The following RRP7A variants were observed in gnomAD, a reference collection of about 807,000 sequenced individuals.
The protein encoded by RRP7A is ribosomal RNA processing 7 homolog A.
A neutral mutation model predicts 38.4 loss-of-function variants in RRP7A; 27 were observed. The observed-to-expected ratio is 0.70, with a 90% CI of 0.52 to 0.97. RRP7A has a LOEUF of 0.97. Among genes scored for constraint, RRP7A ranks in the 50% least tolerant of loss-of-function variants. The pLI is 0.00. For missense variants in RRP7A, 327 were observed against 375.4 expected, an observed-to-expected ratio of 0.87 and a Z score of 1.07; for synonymous variants, 124 against 150.3, an observed-to-expected ratio of 0.83 and a Z score of 1.28.
intron 3 of RRP7A, among the ~76,000 whole-genome samples, chr22:42,515,561 C>T (rs1417603324): frequency 6.6e-6 from 1 of 152,198 alleles, no homozygotes; most frequent in African/African-American, 2.4e-5. Flanking sequence ...ACACAGGGGT[C>T]GCCCTGGGCC....
In RRP7A at chr22:42,509,742, C is replaced by T. The variant is rs1601802142; in HGVS notation, c.*3168G>A. ...GGATGAAGTCAGACACAACCGTCTA[C>T]GTGTTGTATGGCTGCATTCACGTTC... On this transcript the variant is annotated 3_prime_UTR_variant, in exon 7 of 7. Transcript: ENST00000323013. 6.7e-6 allele frequency among the ~76,000 whole-genome samples: 1 copy of T among 148,644 alleles called. No homozygotes were observed. The highest frequency in any genetic ancestry group is 2.5e-5 in the African/African-American group (1 of 40,674).
In RRP7A at chr22:42,518,140, T is replaced by A; in HGVS notation, c.81A>T (p.Pro27=). ...IPSPLGYAAI[P]IKFSEKQQAS... Reference sequence around the variant, plus strand: ...CCTGTTGCTTTTCAGAGAACTTGATTGGAATAGCTGGAAAGGAAATGGGAG... The same window carrying A: ...CCTGTTGCTTTTCAGAGAACTTGATAGGAATAGCTGGAAAGGAAATGGGAG... The change falls in exon 2 of 7, where the codon CCA becomes CCT. Residue 27 remains proline, a synonymous_variant. Transcript: ENST00000323013. The A allele has an allele frequency of 1.9e-6, 3 of 1,611,880 alleles. 1 individual carries two copies. The Middle Eastern group carries it at 5.6e-4, about 303-fold the overall frequency.
chr22:42,517,342 TAAAA>T (rs71184902), intron 2 of RRP7A, among the ~76,000 whole-genome samples: 43 of 117,502 alleles, frequency 3.7e-4, no homozygotes, highest in African/African-American at 9.4e-4. Context: ...TTAGTTTTTG[TAAAA>T]AAAAAAAAAA....
At position 42,508,984 on chromosome 22, in the gene RRP7A, C is replaced by G; in HGVS notation, c.*3926G>C. On this transcript the variant is annotated 3_prime_UTR_variant, in exon 7 of 7. Transcript: ENST00000323013. Reference sequence around the variant, plus strand: ...GATGGGTTTCGTGCCCACGAGAGTGCCTGTGCCTTGTGACGAGAATTCACC... The same window carrying G: ...GATGGGTTTCGTGCCCACGAGAGTGGCTGTGCCTTGTGACGAGAATTCACC... 1.9e-6 allele frequency: 3 copies of G among 1,612,346 alleles called. No homozygotes were observed. Among genetic ancestry groups the G allele is most frequent in the Non-Finnish European group, 2.5e-6 (3 of 1,178,808 alleles).
In RRP7A at chr22:42,513,003, T is replaced by C; in HGVS notation, c.758-8A>G. The C allele has an allele frequency of 1.9e-6, 3 of 1,610,486 alleles. No homozygotes were observed. Among genetic ancestry groups the C allele is most frequent in the Non-Finnish European group, 2.5e-6 (3 of 1,178,176 alleles). On this transcript the variant is annotated splice_polypyrimidine_tract_variant and splice_region_variant and intron_variant, in intron 6 of 6. Transcript: ENST00000323013. ...TGCGCAGCTGCGCTAGATCTGGGGG[T>C]GAGAGGAGGCGCGGGGCAGGGTCAG...
intron 1 of RRP7A, chr22:42,518,785 T>A (rs1920938498): frequency 2.1e-6 from 1 of 469,872 alleles, no homozygotes; most frequent in African/African-American, 2.0e-5. Context: ...GTAATCCTCA[T>A]AAAGCTAGGA....
At chr22:42,517,979 C>T in intron 2 of RRP7A, 26 bp downstream of exon 2, 3 of 1,607,796 alleles carry the variant, frequency 1.9e-6, no homozygotes, top group Non-Finnish European at 2.5e-6. Flanking sequence ...GCCCACAGGT[C>T]TCCTCCCAGA....
intron 1 of RRP7A, among the ~76,000 whole-genome samples, chr22:42,519,285 G>C (rs1920940445): frequency 6.6e-6 from 1 of 151,018 alleles, no homozygotes; most frequent in African/African-American, 2.4e-5. Context: ...CTGGCACGTG[G>C]GTGGAGAACA....
chr22:42,514,747 C>T lies in RRP7A; in HGVS notation c.493G>A (p.Asp165Asn), dbSNP rs773855837. The T allele has an allele frequency of 1.3e-5, 21 of 1,611,458 alleles. No homozygotes were observed. The highest frequency in any genetic ancestry group is 1.5e-5 in the Non-Finnish European group (18 of 1,178,680). Reference protein sequence around the residue: ...WISDYADSVPDPEALRVEVDT... With the variant: ...WISDYADSVPNPEALRVEVDT... ...ACTTCCACCCTCAGGGCCTCAGGGTCGGGCACAGAGTCTGCGTAGTCACTG... is the reference window on the plus strand; with the variant it reads ...ACTTCCACCCTCAGGGCCTCAGGGTTGGGCACAGAGTCTGCGTAGTCACTG... Residue 165 changes from aspartate to asparagine, a missense_variant, in exon 5 of 7, where the codon GAC becomes AAC. Physicochemically the swap from Asp to Asn is conservative, Grantham distance 23. Transcript: ENST00000323013.
chr22:42,518,917 G>C lies in RRP7A; in HGVS notation c.74-770C>G, dbSNP rs540020442. 4.4e-4 allele frequency among the ~76,000 whole-genome samples: 67 copies of C among 151,360 alleles called. 1 individual carries two copies. Among genetic ancestry groups the C allele is most frequent in the African/African-American group, 1.6e-3 (65 of 41,130 alleles). On this transcript the variant is annotated intron_variant, in intron 1 of 6. Coordinates refer to ENST00000323013, the MANE Select transcript of RRP7A (RefSeq NM_015703.5). The stretch of plus-strand genomic sequence containing the variant: ...CAATTAACAAGCATACAGCAAACTT[G>C]TATCAATTGTGAAAGAAACATTACA...
At chr22:42,515,502 G>C (rs575433329) in intron 3 of RRP7A, among the ~76,000 whole-genome samples, 38 of 152,370 alleles carry the variant, frequency 2.5e-4, no homozygotes, top group Non-Finnish European at 4.9e-4. Flanking sequence ...CCCAGGAAGA[G>C]GGGATACAGA....
chr22:42,518,234 C>T, intron 1 of RRP7A, 87 bp from the exon 2 acceptor site: 3 of 1,100,360 alleles, frequency 2.7e-6, no homozygotes, highest in South Asian at 2.6e-5. Flanking sequence ...TTCTCCACAT[C>T]CCTGTCTAGT....
Position 42,514,712 on chromosome 22 carries a change from G to A in RRP7A, c.528C>T (p.Phe176=), listed in dbSNP as rs1179909545. Residue 176 remains phenylalanine (F), a synonymous_variant, in exon 5 of 7, where the codon TTC becomes TTT. Coordinates refer to ENST00000323013, the MANE Select transcript of RRP7A (RefSeq NM_015703.5). ...CGATCTTCTGGTCATATGCCTCCAT[G>A]AACGTGTCCACTTCCACCCTCAGGG... ...PEALRVEVDT[F]MEAYDQKIAE... The A allele has an allele frequency of 5.6e-6, 9 of 1,610,592 alleles. No individual in the cohort carries two copies. Among genetic ancestry groups the A allele is most frequent in the African/African-American group, 1.3e-5 (1 of 74,670 alleles).
chr22:42,509,051 C>T lies in RRP7A; in HGVS notation c.*3859G>A, dbSNP rs1322888948. The T allele has an allele frequency of 6.2e-7, 1 of 1,609,286 alleles. No homozygotes were observed. The highest frequency in any genetic ancestry group is 1.7e-5 in the Admixed American group (1 of 59,992). ...AGGCAGAGAACAGCATTGACTTCGTCAGCAGGGAGCTGTGTGCGCATTCCA... is the reference window on the plus strand; with the variant it reads ...AGGCAGAGAACAGCATTGACTTCGTTAGCAGGGAGCTGTGTGCGCATTCCA... On this transcript the variant is annotated 3_prime_UTR_variant, in exon 7 of 7. Coordinates refer to ENST00000323013, the MANE Select transcript of RRP7A (RefSeq NM_015703.5).
rs189542181 is a variant in RRP7A at position 42,516,035 on chromosome 22, C to G, written c.318G>C (p.Lys106Asn). ...LAESPKESRSKFFHPKPVPGF... is the reference protein window; with the variant it reads ...LAESPKESRSNFFHPKPVPGF... ...CCGGAACTGGCTTGGGATGAAAAAACTTCGACCTTGACTCCTTTGGGCTCT... is the reference window on the plus strand; with the variant it reads ...CCGGAACTGGCTTGGGATGAAAAAAGTTCGACCTTGACTCCTTTGGGCTCT... The change falls in exon 3 of 7, where the codon AAG becomes AAC. Residue 106 changes from lysine to asparagine, a missense_variant. Lys to Asn is a moderately conservative substitution (Grantham distance 94, BLOSUM62 0). Around this residue, in one of 5 missense-constraint regions of RRP7A, gnomAD observed 183 missense variants for 141.8 expected, o/e 1.29. Transcript: ENST00000323013. 10 of 1,605,582 alleles carry G rather than the reference C, an allele frequency of 6.2e-6. No individual in the cohort carries two copies. Among genetic ancestry groups the G allele is most frequent in the Non-Finnish European group, 8.5e-6 (10 of 1,174,828 alleles).
At chr22:42,518,524 C>T (rs1920937548) in intron 1 of RRP7A, 1 of 437,234 alleles carries the variant, frequency 2.3e-6, no homozygotes, top group Non-Finnish European at 4.8e-6. Context: ...TCCCCCAGCA[C>T]CTTGGATTCT....
At position 42,510,930 on chromosome 22, in the gene RRP7A, C is replaced by A. The variant is rs1185802210; in HGVS notation, c.*1980G>T. On this transcript the variant is annotated 3_prime_UTR_variant, in exon 7 of 7. Transcript: ENST00000323013. Reference sequence around the variant, plus strand: ...GTAATCAGAATTTAAGAAACAGAGACCTTTGGTGGGGAGGTTCTTTACCAT... The same window carrying A: ...GTAATCAGAATTTAAGAAACAGAGAACTTTGGTGGGGAGGTTCTTTACCAT... 1.4e-5 allele frequency: 6 copies of A among 435,212 alleles called. No individual in the cohort carries two copies. The highest frequency in any genetic ancestry group is 1.9e-5 in the Non-Finnish European group (6 of 309,626). 27.0% of individuals were successfully genotyped at this position (435,212 alleles called of 1,614,324 possible).
At position 42,516,497 on chromosome 22, in the gene RRP7A, G is replaced by C. The variant is rs539604563; in HGVS notation, c.217-361C>G. ...GTGGCTAATTTTTGTATTTTGAGAA[G>C]AGACAGGGTTCTGCCACGTTGGCCA... On this transcript the variant is annotated intron_variant, in intron 2 of 6. Coordinates refer to ENST00000323013, the MANE Select transcript of RRP7A (RefSeq NM_015703.5). 12 of 369,340 alleles carry C rather than the reference G, an allele frequency of 3.2e-5. No individual in the cohort carries two copies. In the East Asian group the frequency reaches 8.6e-4, roughly 27 times the overall value. The allele number at this position is 369,340 out of a possible 1,614,324, so 22.9% of individuals were successfully genotyped here. A position where few individuals can be genotyped will look rare whatever the true frequency, so the allele number is the denominator to read the frequency against.
In RRP7A at chr22:42,512,579, C is replaced by T. The variant is rs56172657; in HGVS notation, c.*331G>A. 2,120 of 535,702 alleles carry T rather than the reference C, an allele frequency of 4.0e-3. 15 individuals carry two copies. Among genetic ancestry groups the T allele is most frequent in the Non-Finnish European group, 4.9e-3 (1,460 of 299,068 alleles). 33.2% of individuals were successfully genotyped at this position (535,702 alleles called of 1,614,324 possible). A position where few individuals can be genotyped will look rare whatever the true frequency, so the allele number is the denominator to read the frequency against. ...ATTCTCACTGCTTTTGAGGCTTTTTCGTTGCCAGCAAGGGCTTTTGCATTG... is the reference window on the plus strand; with the variant it reads ...ATTCTCACTGCTTTTGAGGCTTTTTTGTTGCCAGCAAGGGCTTTTGCATTG... On this transcript the variant is annotated 3_prime_UTR_variant, in exon 7 of 7. Transcript: ENST00000323013.
Sources: allele counts gnomAD v4.1 joint callset (sites outside exome capture counted in the v4.1 genomes callset), GRCh38; gene constraint gnomAD v4.1.1; regional missense constraint gnomAD v4.1.1; transcripts MANE v1.5; gene names NCBI Gene and HGNC (gene_info 2026-07-23, HGNC 2026-07-21).